The following CAPRIN2 variants were observed in gnomAD, a reference collection of about 807,000 sequenced individuals.
CAPRIN2 encodes caprin family member 2, also known as caprin-2.
A neutral mutation model predicts 130.4 loss-of-function variants in CAPRIN2; 66 were observed. That is an observed-to-expected ratio of 0.51 (90% CI 0.42 to 0.62). The LOEUF is 0.62. Among genes scored for constraint, CAPRIN2 ranks in the 20% least tolerant of loss-of-function variants. The pLI is 0.00. For synonymous variants in CAPRIN2, 471 were observed against 444.1 expected (o/e 1.06, Z -0.76); for missense variants, 1,185 against 1,246.6 (o/e 0.95, Z 0.74).
chr12:30,735,166 A>C (rs765204312), exon 4 of CAPRIN2: 2 of 1,614,172 alleles, frequency 1.2e-6, no homozygotes, highest in Non-Finnish European at 1.7e-6. Flanking sequence ...AAGTTTTAGC[A>C]TGTGCTCCCT....
intron 14 of CAPRIN2, among the ~76,000 whole-genome samples, chr12:30,714,513 G>C (rs190306593): frequency 2.0e-5 from 3 of 152,204 alleles, no homozygotes; most frequent in African/African-American, 7.2e-5. Flanking sequence ...ATAATAAGTA[G>C]TGACTAGGAC....
intron 5 of CAPRIN2, among the ~76,000 whole-genome samples, chr12:30,732,882 A>G (rs1279335543): frequency 6.6e-6 from 1 of 152,128 alleles, no homozygotes; most frequent in Non-Finnish European, 1.5e-5. Context: ...TTAGCGTTAT[A>G]AGTGTATGCT....
In CAPRIN2 at chr12:30,722,852, C is replaced by G. The variant is rs187066066; in HGVS notation, c.2043+407G>C. On this transcript the variant is annotated intron_variant, in intron 11 of 16. Coordinates refer to ENST00000298892, the Ensembl canonical transcript of CAPRIN2. ...AGGCAGACCAGACGCTGCAGTGAGC[C>G]GAGATCATGCTACTGCACTCCAGCC... is the stretch of plus-strand genomic sequence containing the variant. Among the ~76,000 whole-genome samples the G allele has an allele frequency of 1.6e-3, 241 of 152,142 alleles. 1 individual carries two copies. Among genetic ancestry groups the G allele is most frequent in the Admixed American group, 8.5e-4 (13 of 15,286 alleles).
exon 1 of CAPRIN2, chr12:30,754,053 G>A (rs887328771): frequency 4.2e-5 from 13 of 306,436 alleles, no homozygotes; most frequent in Non-Finnish European, 7.9e-5. Flanking sequence ...AATCCTGAAC[G>A]TTTGGAAGAA....
chr12:30,752,947 CG>C (rs11310591), intron 1 of CAPRIN2, among the ~76,000 whole-genome samples: 4,148 of 152,304 alleles, frequency 0.027, 180 homozygotes, highest in African/African-American at 0.093. Context: ...AGTTCTACTA[CG>C]GTTAAACCTT....
At position 30,710,174 on chromosome 12, in the gene CAPRIN2, T is replaced by A. The variant is rs900613675; in HGVS notation, c.2962A>T (p.Asn988Tyr). The stretch of plus-strand genomic sequence containing the variant: ...ACGTAAGTGCCATTCACTGGGCAAT[T>A]AAATCTACCAAGCTGAAGATCAAAA... Residue 988 changes from asparagine to tyrosine, a missense_variant, in exon 17 of 17, where the codon AAT becomes TAT. Around this residue, in one of 2 missense-constraint regions of CAPRIN2, gnomAD observed 81 missense variants for 142.2 expected, o/e 0.57. Transcript: ENST00000298892. The surrounding 1 kb of genome is among the most constrained non-coding windows in gnomAD (Gnocchi z 4.8). 1 of 1,613,998 alleles carries A rather than the reference T, an allele frequency of 6.2e-7. No homozygotes were observed. Among genetic ancestry groups the A allele is most frequent in the African/African-American group, 1.3e-5 (1 of 74,892 alleles).
Position 30,753,523 on chromosome 12 carries a change from TC to T in CAPRIN2, c.240del (p.Asn81IlefsTer2). On this transcript the variant is annotated frameshift_variant, in exon 1 of 17. Coordinates refer to ENST00000298892, the Ensembl canonical transcript of CAPRIN2. LOFTEE classifies it high-confidence loss of function. ...ACTTGGGGCTTGGCTGACTTCATAT[TC>T]CCCTCTCTTTCCTCCTCTGAATGGC... 2 of 1,614,144 alleles carry T rather than the reference TC, an allele frequency of 1.2e-6. No individual in the cohort carries two copies. Among genetic ancestry groups the T allele is most frequent in the South Asian group, 2.2e-5 (2 of 91,076 alleles).
chr12:30,714,868 A>C, intron 14 of CAPRIN2, 91 bp downstream of exon 16: 1 of 1,034,996 alleles, frequency 9.7e-7, no homozygotes, highest in Non-Finnish European at 1.4e-6. Context: ...TGCAAATGAC[A>C]AAAGGGAGCA....
chr12:30,716,382 G>T, intron 13 of CAPRIN2, 126 bp downstream of exon 15: 1 of 832,150 alleles, frequency 1.2e-6, no homozygotes, highest in Non-Finnish European at 1.9e-6. Flanking sequence ...GGAGGAACAT[G>T]TAAAGAAATA....
At chr12:30,715,604 C>T (rs1476730801) in intron 13 of CAPRIN2, 2 of 355,928 alleles carry the variant, frequency 5.6e-6, no homozygotes, top group African/African-American at 2.2e-5. Flanking sequence ...AATAATTACA[C>T]AACAGTTTGG....
exon 9 of CAPRIN2, chr12:30,726,007 C>G (rs199620402): frequency 6.2e-6 from 10 of 1,600,566 alleles, no homozygotes; most frequent in Non-Finnish European, 7.7e-6. Context: ...GTCATCAGAT[C>G]CTGCAGTTTT....
chr12:30,750,015 T>C (rs894918992), intron 2 of CAPRIN2, among the ~76,000 whole-genome samples: 1 of 152,176 alleles, frequency 6.6e-6, no homozygotes, highest in Non-Finnish European at 1.5e-5. Flanking sequence ...GGACACTTCA[T>C]TCAAGAATAT....
rs771516533 is a variant in CAPRIN2 at position 30,751,148 on chromosome 12, C to T, written c.421-15G>A. ...TCCAGTTTGAGCTACAAAAGAGAAACTTGTATCTACCATAGTCTGACATAA... is the reference window on the plus strand; with the variant it reads ...TCCAGTTTGAGCTACAAAAGAGAAATTTGTATCTACCATAGTCTGACATAA... On this transcript the variant is annotated splice_polypyrimidine_tract_variant and intron_variant, in intron 1 of 16. Coordinates refer to ENST00000298892, the Ensembl canonical transcript of CAPRIN2. 7 of 1,602,168 alleles carry T rather than the reference C, an allele frequency of 4.4e-6. No homozygotes were observed. The highest frequency in any genetic ancestry group is 6.0e-6 in the Non-Finnish European group (7 of 1,169,336).
intron 12 of CAPRIN2, chr12:30,719,213 G>C: frequency 6.2e-7 from 1 of 1,613,884 alleles, no homozygotes; most frequent in Non-Finnish European, 8.5e-7. Context: ...TGCTTGCCTG[G>C]GGGAATTGCT....
At chr12:30,732,901 T>C (rs2063225648) in intron 5 of CAPRIN2, among the ~76,000 whole-genome samples, 1 of 152,142 alleles carries the variant, frequency 6.6e-6, no homozygotes, top group African/African-American at 2.4e-5. Context: ...CTTCATTTTA[T>C]TAAAATACTG....
In CAPRIN2 at chr12:30,714,954, C is replaced by T; in HGVS notation, c.2500+5G>A. On this transcript the variant is annotated splice_donor_5th_base_variant and intron_variant, in intron 14 of 16. Transcript: ENST00000298892. ...CAGTATAATTCAATTTTATTCAGGGCATACCTTTATAACCACCAGGGGACC... is the reference window on the plus strand; with the variant it reads ...CAGTATAATTCAATTTTATTCAGGGTATACCTTTATAACCACCAGGGGACC... 1.2e-6 allele frequency: 2 copies of T among 1,609,874 alleles called. No homozygotes were observed. The highest frequency in any genetic ancestry group is 1.7e-6 in the Non-Finnish European group (2 of 1,176,392).
chr12:30,743,471 T>C (rs937515960), intron 2 of CAPRIN2, among the ~76,000 whole-genome samples: 7 of 152,172 alleles, frequency 4.6e-5, no homozygotes, highest in Non-Finnish European at 1.0e-4. Context: ...GGATCTTTTA[T>C]AGCTCTCATT....
intron 8 of CAPRIN2, among the ~76,000 whole-genome samples, chr12:30,726,587 A>G (rs1353935253): frequency 6.6e-6 from 1 of 152,186 alleles, no homozygotes; most frequent in East Asian, 1.9e-4. Flanking sequence ...TAAAGTAAGT[A>G]CACTCTTGGG....
At chr12:30,723,309 T>C (rs1362668202) in exon 11 of CAPRIN2, 7 of 1,611,146 alleles carry the variant, frequency 4.3e-6, no homozygotes, top group Non-Finnish European at 5.1e-6. Context: ...TTTTGTTCTT[T>C]AGATGCTGCA....
Sources: allele counts gnomAD v4.1 joint callset (sites outside exome capture counted in the v4.1 genomes callset), GRCh38; gene constraint gnomAD v4.1.1; regional missense constraint gnomAD v4.1.1; non-coding constraint Gnocchi (gnomAD v3.1); transcripts MANE v1.5; gene names NCBI Gene and HGNC (gene_info 2026-07-23, HGNC 2026-07-21).